Variants in EYS observed in about 807,000 individuals in gnomAD.
EYS encodes protein eyes shut homolog.
In EYS, 250 loss-of-function variants were observed where a neutral mutation model predicts 282.1. That is an observed-to-expected ratio of 0.89 (90% CI 0.80 to 0.98). The LOEUF is 0.98. EYS is among the 50% of genes least tolerant of loss of function. The pLI, the probability that EYS is intolerant of heterozygous loss-of-function variation, is 0.00. For synonymous variants in EYS, 1,355 were observed against 1,282.9 expected (o/e 1.06, Z -1.20); for missense variants, 4,016 against 3,709.0 (o/e 1.08, Z -2.15).
chr6:64,530,886 A>C (rs1285404280), intron 26 of EYS, among the ~76,000 whole-genome samples: 1 of 152,084 alleles, frequency 6.6e-6, no homozygotes, highest in Non-Finnish European at 1.5e-5. Context: ...AGATCTAATT[A>C]ATCCACAATT....
intron 30 of EYS, among the ~76,000 whole-genome samples, chr6:64,280,965 T>C (rs936325216): frequency 6.6e-6 from 1 of 152,246 alleles, no homozygotes; most frequent in South Asian, 2.1e-4. Flanking sequence ...CCTTTGTTGG[T>C]AAAAGTATCT....
intron 30 of EYS, among the ~76,000 whole-genome samples, chr6:64,301,820 T>TAAACATGGG (rs982011946): frequency 6.6e-6 from 1 of 152,184 alleles, no homozygotes; most frequent in African/African-American, 2.4e-5. Flanking sequence ...ACGGTTCTGG[T>TAAACATGGG]AAACATGGGA....
intron 15 of EYS, among the ~76,000 whole-genome samples, chr6:64,913,629 C>T (rs956232034): frequency 2.0e-5 from 3 of 152,092 alleles, no homozygotes; most frequent in African/African-American, 7.2e-5. Flanking sequence ...AGTGTATATG[C>T]ATCACATATT....
At chr6:63,982,054 T>C (rs1425633416) in intron 35 of EYS, among the ~76,000 whole-genome samples, 1 of 151,908 alleles carries the variant, frequency 6.6e-6, no homozygotes, top group Non-Finnish European at 1.5e-5. Context: ...ATTAATGTGA[T>C]GTTCTTTAAT....
chr6:64,237,727 T>G (rs1444183296), intron 30 of EYS, among the ~76,000 whole-genome samples: 2 of 152,220 alleles, frequency 1.3e-5, no homozygotes, highest in Non-Finnish European at 2.9e-5. Flanking sequence ...TTCCAAAATT[T>G]TATGTTGTTT....
intron 24 of EYS, among the ~76,000 whole-genome samples, chr6:64,612,438 T>C (rs1767142772): frequency 6.6e-6 from 1 of 152,130 alleles, no homozygotes; most frequent in Admixed American, 6.6e-5. Context: ...TTTCTTGAAT[T>C]CTTAAGCAAG....
chr6:65,659,761 AACTT>A (rs1330009186), intron 1 of EYS, among the ~76,000 whole-genome samples: 11 of 151,868 alleles, frequency 7.2e-5, no homozygotes, highest in African/African-American at 2.4e-4. Context: ...TAATTTTATG[AACTT>A]ACTATTTTAT....
chr6:63,844,438 T>C (rs1772045452), intron 36 of EYS, among the ~76,000 whole-genome samples: 1 of 152,184 alleles, frequency 6.6e-6, no homozygotes, highest in Non-Finnish European at 1.5e-5. Context: ...CACACTGTCT[T>C]CCACAATGGT....
intron 33 of EYS, among the ~76,000 whole-genome samples, chr6:64,038,292 G>C (rs1770219462): frequency 2.6e-5 from 4 of 152,024 alleles, no homozygotes; most frequent in African/African-American, 9.7e-5. Flanking sequence ...TCATTTTCTT[G>C]AAAAATGCTA....
chr6:65,654,885 A>T (rs187877154), intron 1 of EYS, among the ~76,000 whole-genome samples: 2 of 151,426 alleles, frequency 1.3e-5, no homozygotes, highest in East Asian at 3.9e-4. Flanking sequence ...TGTTTTTAAA[A>T]GATATTCTAA....
chr6:65,180,395 A>T (rs1765346416), intron 12 of EYS, among the ~76,000 whole-genome samples: 1 of 152,134 alleles, frequency 6.6e-6, no homozygotes, highest in African/African-American at 2.4e-5. Flanking sequence ...AATCACAAGC[A>T]TTCTTATACA....
intron 29 of EYS, among the ~76,000 whole-genome samples, chr6:64,337,226 C>A (rs912028518): frequency 3.3e-5 from 5 of 151,902 alleles, no homozygotes; most frequent in African/African-American, 9.7e-5. Flanking sequence ...AATTAATAGA[C>A]CATTAGCAAG....
chr6:64,450,929 A>G (rs980268556), intron 26 of EYS, among the ~76,000 whole-genome samples: 3 of 152,178 alleles, frequency 2.0e-5, no homozygotes, highest in African/African-American at 7.2e-5. Context: ...TTGAGACCCT[A>G]ACATCAAAAT....
At chr6:65,334,381 C>G (rs1238522565) in intron 11 of EYS, among the ~76,000 whole-genome samples, 1 of 151,736 alleles carries the variant, frequency 6.6e-6, no homozygotes, top group African/African-American at 2.4e-5. Context: ...TCTTCCTCAG[C>G]CTCCCAAGTA....
intron 33 of EYS, among the ~76,000 whole-genome samples, chr6:64,036,328 T>A (rs896302356): frequency 6.6e-6 from 1 of 152,174 alleles, no homozygotes; most frequent in South Asian, 2.1e-4. Flanking sequence ...ACGTCTCAGA[T>A]CATGGATGGC....
intron 26 of EYS, among the ~76,000 whole-genome samples, chr6:64,461,035 T>C (rs1280501851): frequency 6.6e-6 from 1 of 152,186 alleles, no homozygotes; most frequent in African/African-American, 2.4e-5. Flanking sequence ...AGAAACATAG[T>C]GCACAAACAC....
intron 8 of EYS, among the ~76,000 whole-genome samples, chr6:65,358,802 A>G (rs1297233289): frequency 6.6e-6 from 1 of 152,040 alleles, no homozygotes; most frequent in African/African-American, 2.4e-5. Context: ...AATAAAAATT[A>G]CATTAATTGC....
At chr6:64,495,746 C>A (rs948999392) in intron 26 of EYS, among the ~76,000 whole-genome samples, 1 of 151,614 alleles carries the variant, frequency 6.6e-6, no homozygotes, top group Admixed American at 6.6e-5. Context: ...TTGTATTTTT[C>A]TTTTTATTTT....
chr6:63,762,654 G>A (rs564360565), intron 40 of EYS, 21 bp from the exon 41 acceptor site: 76 of 1,547,096 alleles, frequency 4.9e-5, no homozygotes, highest in Non-Finnish European at 5.9e-5. Flanking sequence ...AGAGAAAGCC[G>A]CATGGTTTGA....
Sources: allele counts gnomAD v4.1 joint callset (sites outside exome capture counted in the v4.1 genomes callset), GRCh38; gene constraint gnomAD v4.1.1; transcripts MANE v1.5; gene names NCBI Gene and HGNC (gene_info 2026-07-23, HGNC 2026-07-21).